The following GLT8D2 variants were observed in gnomAD, a reference collection of about 807,000 sequenced individuals.
The protein encoded by GLT8D2 is glycosyltransferase 8 domain containing 2.
Under a neutral mutation model 44.5 loss-of-function variants are expected in GLT8D2, and 45 were observed. That is an observed-to-expected ratio of 1.01 (90% CI 0.80 to 1.30). The LOEUF (loss-of-function observed/expected upper bound fraction) is 1.30, where lower values mean the gene tolerates loss of function less well. GLT8D2 is among the 50% of genes most tolerant of loss of function. The probability of loss-of-function intolerance (pLI) is 0.00; values close to 1 mark genes in which losing one functional copy is unlikely to be tolerated. For missense variants in GLT8D2, 400 were observed against 430.4 expected (o/e 0.93, Z 0.62); for synonymous variants, 156 against 157.2 (o/e 0.99, Z 0.06).
upstream of GLT8D2, among the ~76,000 whole-genome samples, chr12:104,054,326 T>C (rs1439841554): frequency 2.6e-5 from 4 of 152,120 alleles, no homozygotes; most frequent in Middle Eastern, 3.2e-3. Context: ...TTCATCCACG[T>C]TGTCAAAAAT....
intron 6 of GLT8D2, among the ~76,000 whole-genome samples, chr12:103,998,416 A>T (rs11111866): frequency 0.041 from 6,139 of 148,214 alleles, 318 homozygotes; most frequent in East Asian, 0.15. Flanking sequence ...TTAAAAAAAA[A>T]TTTTTTTTTT....
At chr12:104,057,284 C>A (rs552319422) in intron 1 of GLT8D2, among the ~76,000 whole-genome samples, 5 of 152,146 alleles carry the variant, frequency 3.3e-5, no homozygotes, top group African/African-American at 1.2e-4. Flanking sequence ...GTAATCCCAG[C>A]ACTTTGGAAG....
intron 4 of GLT8D2, among the ~76,000 whole-genome samples, chr12:104,009,309 A>C (rs1875512044): frequency 6.6e-6 from 1 of 152,230 alleles, no homozygotes; most frequent in African/African-American, 2.4e-5. Context: ...CCTGGAGTCA[A>C]AGGAGATCAT....
At chr12:104,049,400 A>G (rs1881505970) in intron 1 of GLT8D2, 1 of 152,134 alleles carries the variant, frequency 6.6e-6, no homozygotes, top group Non-Finnish European at 1.5e-5. Context: ...CACCACGACT[A>G]CTGTATTTAC....
chr12:104,041,788 A>G (rs1404587864), intron 1 of GLT8D2, among the ~76,000 whole-genome samples: 1 of 152,184 alleles, frequency 6.6e-6, no homozygotes, highest in Non-Finnish European at 1.5e-5. Context: ...GACACCAGTA[A>G]ATATATAATG....
intron 4 of GLT8D2, chr12:104,014,126 G>T: frequency 1.8e-6 from 1 of 544,402 alleles, no homozygotes; most frequent in Non-Finnish European, 3.3e-6. Flanking sequence ...CACTTTGGGA[G>T]GCCAAGGTAG....
At chr12:104,025,093 C>T (rs993802451) in intron 1 of GLT8D2, among the ~76,000 whole-genome samples, 2 of 149,630 alleles carry the variant, frequency 1.3e-5, no homozygotes, top group African/African-American at 4.9e-5. Flanking sequence ...AAAAAAAGCC[C>T]TGTGTTACGC....
chr12:104,031,604 C>G, intron 1 of GLT8D2: 2 of 1,576,090 alleles, frequency 1.3e-6, no homozygotes, highest in Non-Finnish European at 1.7e-6. Flanking sequence ...GTCCCTCTGC[C>G]CCTCCCACCT....
Position 104,003,149 on chromosome 12 carries a change from A to T in GLT8D2, c.270T>A (p.Thr90=). ...ACATAACTTACCGTATTCGAGTCAG[A>T]GTATTCCGGAGTCCCACTACATAGA... is the stretch of plus-strand genomic sequence containing the variant. ...ILFYVVGLRN[T]LTRIRKWIEH... is the part of the protein sequence containing the mutation. The change falls in exon 5 of 11, where the codon ACT becomes ACA. Residue 90 remains threonine (T), a synonymous_variant. Coordinates refer to ENST00000360814, the MANE Select transcript of GLT8D2 (RefSeq NM_001384711.1). 1.2e-6 allele frequency: 2 copies of T among 1,614,020 alleles called. No individual in the cohort carries two copies. Among genetic ancestry groups the T allele is most frequent in the Non-Finnish European group, 1.7e-6 (2 of 1,179,898 alleles).
At chr12:104,051,317 GA>G (rs1188744482), upstream of GLT8D2, among the ~76,000 whole-genome samples, 1 of 151,782 alleles carries the variant, frequency 6.6e-6, no homozygotes, top group African/African-American at 2.4e-5. Context: ...GCCACATTAA[GA>G]AAAAAGTACA....
In GLT8D2 at chr12:104,005,388, T is replaced by C. The variant is rs565223573; in HGVS notation, c.113-2082A>G. 9.8e-5 allele frequency among the ~76,000 whole-genome samples: 15 copies of C among 152,322 alleles called. No individual in the cohort carries two copies. In the East Asian group the frequency reaches 2.9e-3, roughly 29 times the overall value. ...AAAGCCAAAATTGACAAATGGGATC[T>C]AATTAAACTAAAGAGCTTCTGCACG... On this transcript the variant is annotated intron_variant, in intron 4 of 10. Transcript: ENST00000360814.
chr12:104,041,266 T>C (rs1457129036), intron 1 of GLT8D2, among the ~76,000 whole-genome samples: 1 of 151,818 alleles, frequency 6.6e-6, no homozygotes, highest in Non-Finnish European at 1.5e-5. Flanking sequence ...ATACAAAAAT[T>C]AGCTGGGCGT....
upstream of GLT8D2, among the ~76,000 whole-genome samples, chr12:104,051,254 G>A (rs144633807): frequency 9.7e-3 from 1,482 of 152,128 alleles, 26 homozygotes; most frequent in African/African-American, 0.033. Context: ...CTGAGTAGCT[G>A]AGATTACAGG....
intron 10 of GLT8D2, among the ~76,000 whole-genome samples, chr12:103,992,559 C>T (rs1872888501): frequency 6.8e-6 from 1 of 147,874 alleles, no homozygotes; most frequent in Non-Finnish European, 1.5e-5. Context: ...GTGGCGCAAT[C>T]GTAGCTCACT....
intron 1 of GLT8D2, among the ~76,000 whole-genome samples, chr12:104,045,915 GAA>G (rs1881046049): frequency 2.1e-5 from 3 of 143,978 alleles, no homozygotes; most frequent in South Asian, 2.3e-4. Context: ...AAGAAAGAAA[GAA>G]AGAAAGAAAG....
chr12:104,056,369 C>G (rs941995583), intron 1 of GLT8D2, among the ~76,000 whole-genome samples: 1 of 152,226 alleles, frequency 6.6e-6, no homozygotes, highest in African/African-American at 2.4e-5. Flanking sequence ...TGGCCTGAGT[C>G]CTCAATTGAG....
chr12:104,015,182 C>A (rs536543402), intron 3 of GLT8D2, 77 bp from the exon 4 acceptor site: 1 of 1,008,024 alleles, frequency 9.9e-7, no homozygotes, highest in Non-Finnish European at 1.5e-6. Context: ...AATGGTAGTG[C>A]GAGTAGGTGC....
At chr12:103,990,426 C>T (rs1464217103) in intron 10 of GLT8D2, among the ~76,000 whole-genome samples, 1 of 152,092 alleles carries the variant, frequency 6.6e-6, no homozygotes, top group Non-Finnish European at 1.5e-5. Flanking sequence ...CTTCGAGAGA[C>T]TATGCATTTA....
intron 3 of GLT8D2, among the ~76,000 whole-genome samples, chr12:104,019,118 C>CTTTTTT (rs11291563): frequency 1.6e-4 from 19 of 116,454 alleles, no homozygotes; most frequent in African/African-American, 2.0e-4. Flanking sequence ...ACTTCTTCTT[C>CTTTTTT]TTTTTTTTTT....
Sources: allele counts gnomAD v4.1 joint callset (sites outside exome capture counted in the v4.1 genomes callset), GRCh38; gene constraint gnomAD v4.1.1; transcripts MANE v1.5; gene names NCBI Gene and HGNC (gene_info 2026-07-23, HGNC 2026-07-21).